MGAT5: variants seen among roughly 807,000 people sequenced by gnomAD.
The protein encoded by MGAT5 is alpha-1,6-mannosylglycoprotein 6-beta-N-acetylglucosaminyltransferase A.
In MGAT5, 30 loss-of-function variants were observed where a neutral mutation model predicts 94.3. The ratio of observed to expected loss-of-function variants is 0.32; its 90% CI spans 0.24 to 0.43. The LOEUF (loss-of-function observed/expected upper bound fraction) is 0.43. MGAT5 is among the 20% of genes least tolerant of loss of function. The pLI is 1.00. For synonymous variants in MGAT5, 310 were observed against 322.9 expected (o/e 0.96, Z 0.43); for missense variants, 691 against 905.5 (o/e 0.76, Z 3.04).
intron 11 of MGAT5, among the ~76,000 whole-genome samples, chr2:134,406,250 G>T (rs1356997617): frequency 3.9e-5 from 6 of 152,178 alleles, no homozygotes; most frequent in Non-Finnish European, 8.8e-5. Flanking sequence ...AGTGCTTTGT[G>T]AGCTGGACCA....
intron 1 of MGAT5, among the ~76,000 whole-genome samples, chr2:134,128,768 A>C (rs1039059815): frequency 2.6e-5 from 4 of 152,068 alleles, no homozygotes; most frequent in Admixed American, 6.5e-5. Context: ...CACGAGTCTT[A>C]CTATGTTGCT....
chr2:134,269,016 T>C (rs1043435615), intron 1 of MGAT5, among the ~76,000 whole-genome samples: 1 of 152,250 alleles, frequency 6.6e-6, no homozygotes. Flanking sequence ...GCTCATTATT[T>C]AATATCTGTG....
intron 1 of MGAT5, among the ~76,000 whole-genome samples, chr2:134,167,385 C>A (rs1248774067): frequency 2.0e-5 from 3 of 152,206 alleles, no homozygotes; most frequent in Non-Finnish European, 4.4e-5. Context: ...ATGTTTACAG[C>A]GTGTTGGCAG....
intron 1 of MGAT5, among the ~76,000 whole-genome samples, chr2:134,237,689 G>GT (rs35697003): frequency 0.024 from 168 of 7,056 alleles, 34 homozygotes; most frequent in Non-Finnish European, 0.055. Context: ...TTTTGTTTTT[G>GT]TTTTTTTTTT....
intron 1 of MGAT5, among the ~76,000 whole-genome samples, chr2:134,244,726 T>C (rs910194743): frequency 2.0e-5 from 3 of 152,164 alleles, no homozygotes; most frequent in African/African-American, 7.2e-5. Context: ...GTGAGTAAGA[T>C]CCTGTTGATT....
intron 1 of MGAT5, among the ~76,000 whole-genome samples, chr2:134,200,521 TGTAATCAGA>T (rs1287628175): frequency 6.6e-6 from 1 of 152,230 alleles, no homozygotes; most frequent in African/African-American, 2.4e-5. Flanking sequence ...ACTCCCTAAA[TGTAATCAGA>T]GAAACCCTAT....
At chr2:134,264,654 G>A (rs1462634120) in intron 1 of MGAT5, among the ~76,000 whole-genome samples, 1 of 152,152 alleles carries the variant, frequency 6.6e-6, no homozygotes, top group East Asian at 1.9e-4. Flanking sequence ...TTATCTTTCT[G>A]TGGAAAGATC....
chr2:134,405,275 T>G (rs1683268793), intron 11 of MGAT5, among the ~76,000 whole-genome samples: 1 of 152,234 alleles, frequency 6.6e-6, no homozygotes, highest in Admixed American at 6.5e-5. Context: ...GAGGGGTGTA[T>G]GTTCATCCTT....
At chr2:134,360,791 C>T (rs1354780475) in intron 9 of MGAT5, among the ~76,000 whole-genome samples, 1 of 152,212 alleles carries the variant, frequency 6.6e-6, no homozygotes, top group Admixed American at 6.5e-5. Context: ...TACTTTCCAG[C>T]CAACTGCAGC....
At chr2:134,272,924 T>C (rs1338499551) in intron 2 of MGAT5, among the ~76,000 whole-genome samples, 1 of 152,260 alleles carries the variant, frequency 6.6e-6, no homozygotes, top group Non-Finnish European at 1.5e-5. Flanking sequence ...GATTTAATCA[T>C]CTGTCTCATT....
At chr2:134,187,459 T>A (rs1182998231) in intron 1 of MGAT5, among the ~76,000 whole-genome samples, 1 of 152,142 alleles carries the variant, frequency 6.6e-6, no homozygotes, top group Non-Finnish European at 1.5e-5. Flanking sequence ...CCTGCTACCT[T>A]CCCTATGATT....
At chr2:134,168,946 T>C (rs1688074608) in intron 1 of MGAT5, among the ~76,000 whole-genome samples, 1 of 152,154 alleles carries the variant, frequency 6.6e-6, no homozygotes, top group South Asian at 2.1e-4. Flanking sequence ...ACCTGACAGG[T>C]TCCAGTGCTG....
chr2:134,407,015 AT>A (rs1683379249), intron 11 of MGAT5, among the ~76,000 whole-genome samples: 1 of 152,230 alleles, frequency 6.6e-6, no homozygotes, highest in Non-Finnish European at 1.5e-5. Context: ...TCTAAAAGGC[AT>A]TTAGATGATT....
intron 4 of MGAT5, among the ~76,000 whole-genome samples, chr2:134,327,730 G>A (rs183594488): frequency 2.0e-3 from 300 of 152,258 alleles, no homozygotes; most frequent in Non-Finnish European, 3.0e-3. Context: ...GAGGACTACT[G>A]TAATGCTCTG....
rs954613362 is a variant in MGAT5 at position 134,266,027 on chromosome 2, G to C, written c.242-4359G>C. ...TACTAAAAATACAAAAATTAGCTGG[G>C]TGTGGTGGCACCTGTAATCCCAGCT... On this transcript the variant is annotated intron_variant, in intron 1 of 15. Coordinates refer to ENST00000281923, the MANE Select transcript of MGAT5 (RefSeq NM_002410.5). Among the ~76,000 whole-genome samples, 9 of 151,936 alleles carry C rather than the reference G, an allele frequency of 5.9e-5. No homozygotes were observed. In the East Asian group the frequency reaches 1.8e-3, roughly 30 times the overall value.
At chr2:134,229,018 A>G (rs1169221857) in intron 1 of MGAT5, among the ~76,000 whole-genome samples, 1 of 152,128 alleles carries the variant, frequency 6.6e-6, no homozygotes, top group Non-Finnish European at 1.5e-5. Context: ...ATTACTTCTT[A>G]CTAGTCAACA....
intron 1 of MGAT5, among the ~76,000 whole-genome samples, chr2:134,155,947 C>T (rs1337101571): frequency 6.6e-6 from 1 of 152,154 alleles, no homozygotes; most frequent in African/African-American, 2.4e-5. Context: ...CCATTATTCT[C>T]TGCTGCTCTC....
chr2:134,384,852 C>T (rs559087114), intron 10 of MGAT5, among the ~76,000 whole-genome samples: 1 of 152,254 alleles, frequency 6.6e-6, no homozygotes, highest in African/African-American at 2.4e-5. Flanking sequence ...AAAGCAAATA[C>T]TATAGTAAAT....
intron 10 of MGAT5, among the ~76,000 whole-genome samples, chr2:134,379,784 A>G (rs1681424277): frequency 6.6e-6 from 1 of 152,250 alleles, no homozygotes; most frequent in South Asian, 2.1e-4. Flanking sequence ...TCCTAGGAGC[A>G]TGAAGTCTGT....
Sources: gnomAD v4.1 joint callset for allele counts (sites outside exome capture counted in the v4.1 genomes callset) on GRCh38, gnomAD v4.1.1 for gene constraint, MANE v1.5 for transcripts, NCBI Gene and HGNC (gene_info 2026-07-23, HGNC 2026-07-21) for gene names.